The following PLXNA4 variants were observed in gnomAD, a reference collection of about 807,000 sequenced individuals.
PLXNA4 encodes plexin-A4.
In PLXNA4, 44 loss-of-function variants were observed where a neutral mutation model predicts 191.8. That is an observed-to-expected ratio of 0.23 (90% CI 0.18 to 0.29). PLXNA4 has a LOEUF of 0.29. Ranked by LOEUF, PLXNA4 falls within the 10% of genes least tolerant of loss-of-function variation. The pLI, the probability that PLXNA4 is intolerant of heterozygous loss-of-function variation, is 1.00. For missense variants in PLXNA4, 1,800 were observed against 2,488.8 expected (o/e 0.72, Z 5.89); for synonymous variants, 1,082 against 1,009.5 (o/e 1.07, Z -1.36).
chr7:132,193,421 T>A (rs1054067433), intron 14 of PLXNA4, among the ~76,000 whole-genome samples: 2 of 152,144 alleles, frequency 1.3e-5, no homozygotes. Context: ...TCTCAGGCAT[T>A]CTTCTACAGC....
chr7:132,464,761 G>A (rs1796637054), intron 3 of PLXNA4, among the ~76,000 whole-genome samples: 1 of 152,176 alleles, frequency 6.6e-6, no homozygotes, highest in Non-Finnish European at 1.5e-5. Context: ...CCCTCAGCAG[G>A]ACTAAAGGAT....
At chr7:132,518,098 G>A (rs1464741551) in intron 1 of PLXNA4, among the ~76,000 whole-genome samples, 1 of 152,058 alleles carries the variant, frequency 6.6e-6, no homozygotes, top group Non-Finnish European at 1.5e-5. Flanking sequence ...GCCCAATCAT[G>A]CAGCTCGCTA....
chr7:132,591,691 AG>A (rs1285687755), intron 2 of PLXNA4, among the ~76,000 whole-genome samples: 1 of 152,210 alleles, frequency 6.6e-6, no homozygotes, highest in Non-Finnish European at 1.5e-5. Flanking sequence ...TAAAGGACTT[AG>A]CACAGGACTA....
intron 2 of PLXNA4, among the ~76,000 whole-genome samples, chr7:132,603,405 G>A (rs750345043): frequency 2.6e-5 from 4 of 152,062 alleles, no homozygotes; most frequent in East Asian, 1.9e-4. Flanking sequence ...CCAGCTACTC[G>A]GCAGCCCTGA....
Position 132,508,208 on chromosome 7 carries a change from A to G in PLXNA4, c.486T>C (p.Gly162=). 1 of 1,614,128 alleles carries G rather than the reference A, an allele frequency of 6.2e-7. No individual in the cohort carries two copies. The highest frequency in any genetic ancestry group is 8.5e-7 in the Non-Finnish European group (1 of 1,180,028). Residue 162 remains glycine, a synonymous_variant, in exon 2 of 32, where the codon GGT becomes GGC. Transcript: ENST00000321063. The surrounding 1 kb of genome is among the most constrained non-coding windows in gnomAD (Gnocchi z 4.4). ...PYHKKEHYLS[G]VNESGSVFGV... is the part of the protein sequence containing the mutation. ...CAAAGACTGAGCCGCTCTCGTTGAC[A>G]CCTGACAGATAGTGCTCCTTCTTAT...
rs766423495 is a variant in PLXNA4, at chr7:132,248,104, CA to C, written c.1504-6939del. Among the ~76,000 whole-genome samples the C allele has an allele frequency of 2.7e-4, 41 of 152,322 alleles. 1 individual carries two copies. The highest frequency in any genetic ancestry group is 1.9e-3 in the Admixed American group (29 of 15,306). On this transcript the variant is annotated intron_variant, in intron 4 of 31. Transcript: ENST00000321063. ...CCAATGAATGGTAGGAAACACGAGGCAAATGAATGCTTCCGAAGTGCTTATG... is the reference window on the plus strand; with the variant it reads ...CCAATGAATGGTAGGAAACACGAGGCAATGAATGCTTCCGAAGTGCTTATG...
At chr7:132,165,778 T>C (rs1584784455) in intron 22 of PLXNA4, among the ~76,000 whole-genome samples, 1 of 150,306 alleles carries the variant, frequency 6.7e-6, no homozygotes. Flanking sequence ...GGAATAAAGG[T>C]GGCAGGAGAA....
At chr7:132,308,139 G>A (rs747146973) in intron 3 of PLXNA4, among the ~76,000 whole-genome samples, 1 of 152,096 alleles carries the variant, frequency 6.6e-6, no homozygotes, top group Non-Finnish European at 1.5e-5. Flanking sequence ...AAGAAGGGAA[G>A]TCAATAGGGC....
At chr7:132,239,073 G>A (rs1013864910) in intron 5 of PLXNA4, among the ~76,000 whole-genome samples, 2 of 152,340 alleles carry the variant, frequency 1.3e-5, no homozygotes, top group Admixed American at 6.5e-5. Context: ...TTTATGCCAT[G>A]CTGAGACTGG....
At chr7:132,218,810 T>C (rs563185502) in intron 9 of PLXNA4, among the ~76,000 whole-genome samples, 1 of 152,336 alleles carries the variant, frequency 6.6e-6, no homozygotes, top group South Asian at 2.1e-4. Flanking sequence ...TCATTCTTTG[T>C]AACTGGAATA....
intron 1 of PLXNA4, among the ~76,000 whole-genome samples, chr7:132,510,459 AC>A (rs35813265): frequency 0.38 from 58,052 of 151,994 alleles, 12,348 homozygotes; most frequent in South Asian, 0.5. Flanking sequence ...TCATTCATTC[AC>A]CCATGTGGCA....
chr7:132,250,467 C>T (rs1799209211), intron 4 of PLXNA4, among the ~76,000 whole-genome samples: 1 of 152,200 alleles, frequency 6.6e-6, no homozygotes, highest in African/African-American at 2.4e-5. Context: ...TACTCTAAAA[C>T]CTATCATTTC....
chr7:132,364,796 T>G (rs1804089391), intron 3 of PLXNA4, among the ~76,000 whole-genome samples: 1 of 152,248 alleles, frequency 6.6e-6, no homozygotes, highest in Non-Finnish European at 1.5e-5. Flanking sequence ...AAACCCAGTT[T>G]GACTCCTAGG....
chr7:132,366,536 A>G (rs963531571), intron 3 of PLXNA4, among the ~76,000 whole-genome samples: 22 of 152,090 alleles, frequency 1.4e-4, no homozygotes, highest in East Asian at 1.2e-3. Flanking sequence ...TTAAAAAAAA[A>G]AGAGAGAGAG....
At chr7:132,507,435 T>TG (rs1188212270) in intron 2 of PLXNA4, 71 bp downstream of exon 2, 15 of 1,485,034 alleles carry the variant, frequency 1.0e-5, no homozygotes, top group Non-Finnish European at 1.3e-5. Context: ...ACACATCCCA[T>TG]GGGGGCTACA....
At chr7:132,563,722 CTCTTCCTCT>C (rs1801516282) in intron 1 of PLXNA4, among the ~76,000 whole-genome samples, 1 of 113,442 alleles carries the variant, frequency 8.8e-6, no homozygotes, top group Non-Finnish European at 1.8e-5. Context: ...TCTCCTCCTC[CTCTTCCTCT>C]TCCTCCTCCT....
At chr7:132,639,059 T>C (rs1803665430) in intron 2 of PLXNA4, among the ~76,000 whole-genome samples, 1 of 152,200 alleles carries the variant, frequency 6.6e-6, no homozygotes, top group African/African-American at 2.4e-5. Flanking sequence ...GCAGCAACTC[T>C]GCAGCATCTG....
intron 3 of PLXNA4, among the ~76,000 whole-genome samples, chr7:132,330,003 G>A (rs985603030): frequency 8.5e-5 from 13 of 152,208 alleles, no homozygotes; most frequent in Admixed American, 2.6e-4. Flanking sequence ...CGTGCTCTCC[G>A]TTGTGTGTTG....
intron 3 of PLXNA4, among the ~76,000 whole-genome samples, chr7:132,388,208 C>T (rs1805240604): frequency 6.6e-6 from 1 of 152,120 alleles, no homozygotes; most frequent in Admixed American, 6.5e-5. Flanking sequence ...TTTCGGAGCA[C>T]TCCCATACAC....
Sources: gnomAD v4.1 joint callset for allele counts (sites outside exome capture counted in the v4.1 genomes callset) on GRCh38, gnomAD v4.1.1 for gene constraint, Gnocchi (gnomAD v3.1) non-coding constraint, MANE v1.5 for transcripts, NCBI Gene and HGNC (gene_info 2026-07-23, HGNC 2026-07-21) for gene names.